DNAH9: variants seen among roughly 807,000 people sequenced by gnomAD.
DNAH9 encodes DNAH9 variant protein.
In DNAH9, 345 loss-of-function variants were observed where a neutral mutation model predicts 471.6. The ratio of observed to expected loss-of-function variants is 0.73; its 90% CI spans 0.67 to 0.80. The LOEUF (loss-of-function observed/expected upper bound fraction) is 0.80. Ranked by LOEUF, DNAH9 falls within the 30% of genes least tolerant of loss-of-function variation. DNAH9 has a pLI of 0.00. For missense variants in DNAH9, 5,407 were observed against 5,609.2 expected, an observed-to-expected ratio of 0.96 and a Z score of 1.15; for synonymous variants, 2,093 against 2,123.6, an observed-to-expected ratio of 0.99 and a Z score of 0.40.
chr17:11,834,972 A>G (rs1301518368), intron 49 of DNAH9, 74 bp downstream of exon 49: 3 of 1,540,606 alleles, frequency 1.9e-6, no homozygotes, highest in South Asian at 1.2e-5. Context: ...GGCATTCCCA[A>G]GAGATGCAAG....
intron 5 of DNAH9, among the ~76,000 whole-genome samples, chr17:11,618,978 G>A (rs537578853): frequency 4.6e-5 from 7 of 152,210 alleles, no homozygotes; most frequent in African/African-American, 9.6e-5. Context: ...TAAGAAAACC[G>A]AAACCAAAAG....
chr17:11,947,780 T>A (rs915986112), intron 67 of DNAH9, among the ~76,000 whole-genome samples: 44 of 139,910 alleles, frequency 3.1e-4, no homozygotes, highest in South Asian at 1.2e-3. Context: ...CTATTTTTTT[T>A]TTTTTTTTTT....
At chr17:11,929,521 T>G (rs966511593) in intron 62 of DNAH9, among the ~76,000 whole-genome samples, 4 of 152,170 alleles carry the variant, frequency 2.6e-5, no homozygotes, top group Non-Finnish European at 5.9e-5. Context: ...TTAAAAACAT[T>G]ATGCTGGAAA....
intron 4 of DNAH9, among the ~76,000 whole-genome samples, chr17:11,616,131 C>G (rs974126650): frequency 3.3e-5 from 5 of 152,150 alleles, no homozygotes; most frequent in Admixed American, 2.6e-4. Context: ...TTTTCCTTAG[C>G]TGGACAGGAT....
intron 41 of DNAH9, among the ~76,000 whole-genome samples, chr17:11,787,874 T>G (rs575895054): frequency 1.3e-5 from 2 of 152,310 alleles, no homozygotes; most frequent in South Asian, 4.1e-4. Flanking sequence ...ATGTAAGAAG[T>G]GCCTTTTGCC....
At chr17:11,679,711 G>A (rs764721605) in intron 17 of DNAH9, 46 bp from the exon 18 acceptor site, 3 of 1,363,600 alleles carry the variant, frequency 2.2e-6, no homozygotes, top group Non-Finnish European at 3.1e-6. Context: ...TGCCTTTCGA[G>A]AAGTAGAACG....
chr17:11,703,406 C>A (rs1277528337), intron 24 of DNAH9, among the ~76,000 whole-genome samples: 1 of 152,122 alleles, frequency 6.6e-6, no homozygotes, highest in Non-Finnish European at 1.5e-5. Context: ...TCCTTGTTTA[C>A]CTGTATCAGA....
At chr17:11,700,075 G>C (rs1267710386) in intron 23 of DNAH9, among the ~76,000 whole-genome samples, 192 bp downstream of exon 23, 1 of 152,144 alleles carries the variant, frequency 6.6e-6, no homozygotes, top group Non-Finnish European at 1.5e-5. Context: ...TCCTCTTTCA[G>C]GGAAGGACAC....
intron 63 of DNAH9, 56 bp from the exon 64 acceptor site, chr17:11,931,958 C>T: frequency 1.3e-6 from 2 of 1,586,484 alleles, no homozygotes; most frequent in African/African-American, 2.7e-5. Flanking sequence ...TCACCCTAGC[C>T]AGCCCCGTAT....
chr17:11,643,354 A>G (rs1284620852), intron 10 of DNAH9, among the ~76,000 whole-genome samples: 2 of 150,892 alleles, frequency 1.3e-5, no homozygotes, highest in Non-Finnish European at 3.0e-5. Context: ...AGGGACCCTC[A>G]TGTAAAAACG....
rs1972896392 is a variant in DNAH9, at chr17:11,886,891, G to A, written c.11038G>A (p.Ala3680Thr). ...CCGAGAGCACTACCGGCCAGCAGCT[G>A]CCAGGGCCTCACTGCTCTACTTCAT... ...EAREHYRPAA[A>T]RASLLYFIMN... The change falls in exon 57 of 69, where the codon GCC (alanine) becomes ACC (threonine). Residue 3680 changes from alanine to threonine, a missense_variant. Ala to Thr is a moderately conservative substitution (Grantham distance 58). Around this residue, in one of 3 missense-constraint regions of DNAH9, gnomAD observed 4,636 missense variants for 4,900.3 expected, o/e 0.95. Coordinates refer to ENST00000262442, the MANE Select transcript of DNAH9 (RefSeq NM_001372.4). 1 of 1,612,904 alleles carries A rather than the reference G, an allele frequency of 6.2e-7. No individual in the cohort carries two copies. Among genetic ancestry groups the A allele is most frequent in the Admixed American group, 1.7e-5 (1 of 59,814 alleles).
At position 11,933,917 on chromosome 17, in the gene DNAH9, T is replaced by C; in HGVS notation, c.12335T>C (p.Ile4112Thr). ...YDDLRYLFGE[I>T]MYGGHITDDW... ...GATTTGCGCTACCTGTTTGGAGAGATCATGTATGGAGGCCATATCACAGAT... is the reference window on the plus strand; with the variant it reads ...GATTTGCGCTACCTGTTTGGAGAGACCATGTATGGAGGCCATATCACAGAT... The change falls in exon 65 of 69, where the codon ATC becomes ACC. Residue 4112 changes from isoleucine (I) to threonine (T), a missense_variant. By Grantham distance (89) the Ile-to-Thr change is moderately conservative. Transcript: ENST00000262442. 6.2e-7 allele frequency: 1 copy of C among 1,614,046 alleles called. No homozygotes were observed. Among genetic ancestry groups the C allele is most frequent in the Non-Finnish European group, 8.5e-7 (1 of 1,179,996 alleles).
At chr17:11,798,426 C>G (rs1321599661) in intron 43 of DNAH9, among the ~76,000 whole-genome samples, 1 of 95,810 alleles carries the variant, frequency 1.0e-5, no homozygotes, top group Non-Finnish European at 1.9e-5. Context: ...GAGCAAGACT[C>G]TGCCTCAAAA....
chr17:11,762,789 T>TTTTTTTTTTTTTTTTTTTTG (rs1567783499), intron 35 of DNAH9, among the ~76,000 whole-genome samples: 2 of 135,362 alleles, frequency 1.5e-5, no homozygotes, highest in Non-Finnish European at 3.2e-5. Flanking sequence ...TTTTTTTTTT[T>TTTTTTTTTTTTTTTTTTTTG]TTTTTTTTGA....
intron 1 of DNAH9, among the ~76,000 whole-genome samples, chr17:11,599,597 A>G (rs1427256871): frequency 6.6e-6 from 1 of 152,118 alleles, no homozygotes; most frequent in African/African-American, 2.4e-5. Flanking sequence ...GAAGGTGGAG[A>G]TGTGGGTCAT....
chr17:11,623,955 G>A lies in DNAH9; in HGVS notation c.1350+4174G>A, dbSNP rs1349516085. On this transcript the variant is annotated intron_variant, in intron 6 of 68. Coordinates refer to ENST00000262442, the MANE Select transcript of DNAH9 (RefSeq NM_001372.4). The surrounding 1 kb of genome is among the most constrained non-coding windows in gnomAD (Gnocchi z 4.1). ...TGTGCACATCCACTCTTCCTCTCTG[G>A]GTGCCTGCTAAATGCCAGAGGTGGG... Among the ~76,000 whole-genome samples the A allele has an allele frequency of 1.3e-5, 2 of 152,016 alleles. No homozygotes were observed. Among genetic ancestry groups the A allele is most frequent in the Non-Finnish European group, 2.9e-5 (2 of 68,012 alleles).
chr17:11,664,195 T>A (rs374911228), intron 14 of DNAH9, among the ~76,000 whole-genome samples: 5 of 148,864 alleles, frequency 3.4e-5, no homozygotes, highest in African/African-American at 1.3e-4. Context: ...AAGCCCAAAC[T>A]TTGTTACCAT....
At position 11,800,304 on chromosome 17, in the gene DNAH9, G is replaced by A. The variant is rs187411241; in HGVS notation, c.8420+2511G>A. Among the ~76,000 whole-genome samples, 297 of 149,358 alleles carry A rather than the reference G, an allele frequency of 2.0e-3. 1 individual carries two copies. Among genetic ancestry groups the A allele is most frequent in the African/African-American group, 7.1e-3 (286 of 40,510 alleles). On this transcript the variant is annotated intron_variant, in intron 43 of 68. Coordinates refer to ENST00000262442, the MANE Select transcript of DNAH9 (RefSeq NM_001372.4). The stretch of plus-strand genomic sequence containing the variant: ...ATCTAAGTCTAGTCCCTACACCTGC[G>A]CCCTGGATCCCACCTCCTCTCACCT...
chr17:11,768,702 G>A (rs765390900), intron 37 of DNAH9, 76 bp downstream of exon 37: 15 of 1,527,140 alleles, frequency 9.8e-6, no homozygotes, highest in Admixed American at 9.1e-5. Flanking sequence ...TAGCAGCCCC[G>A]CATGGCTATC....
Sources: allele counts gnomAD v4.1 joint callset (sites outside exome capture counted in the v4.1 genomes callset), GRCh38; gene constraint gnomAD v4.1.1; regional missense constraint gnomAD v4.1.1; non-coding constraint Gnocchi (gnomAD v3.1); transcripts MANE v1.5; gene names NCBI Gene and HGNC (gene_info 2026-07-23, HGNC 2026-07-21).